MYOM2: variants seen among roughly 807,000 people sequenced by gnomAD.
MYOM2 encodes myomesin 2, also known as myomesin-2.
Under a neutral mutation model 187.6 loss-of-function variants are expected in MYOM2, and 254 were observed. That is an observed-to-expected ratio of 1.35 (90% CI 1.22 to 1.50). MYOM2 has a LOEUF of 1.50. Among genes scored for constraint, MYOM2 ranks in the 40% most tolerant of loss-of-function variants. The pLI, the probability that MYOM2 is intolerant of heterozygous loss-of-function variation, is 0.00. For synonymous variants in MYOM2, 981 were observed against 753.8 expected (o/e 1.30, Z -4.94); for missense variants, 2,796 against 1,924.0 (o/e 1.45, Z -8.48).
Position 2,102,667 on chromosome 8 carries a change from G to T in MYOM2, c.2620G>T (p.Val874Phe). 1 of 1,605,482 alleles carries T rather than the reference G, an allele frequency of 6.2e-7. No individual in the cohort carries two copies. The highest frequency in any genetic ancestry group is 8.5e-7 in the Non-Finnish European group (1 of 1,173,022). Reference sequence around the variant, plus strand: ...CTGGTGTTTCCTCTGTTGTTTCAAGGTCTCTGACCTGCAGCAAGGTAAGAC... The same window carrying T: ...CTGGTGTTTCCTCTGTTGTTTCAAGTTCTCTGACCTGCAGCAAGGTAAGAC... Reference protein sequence around the residue: ...QTTTASRYLKVSDLQQGKTYV... With the variant: ...QTTTASRYLKFSDLQQGKTYV... The change falls in exon 21 of 37, where the codon GTC becomes TTC. Residue 874 changes from valine to phenylalanine, a missense_variant and splice_region_variant. Physicochemically the swap from Val to Phe is conservative, Grantham distance 50 (BLOSUM62 -1). Coordinates refer to ENST00000262113, the MANE Select transcript of MYOM2 (RefSeq NM_003970.4).
rs1819303208 is a variant in MYOM2, at chr8:2,073,388, C to T, written c.1008C>T (p.Gly336=). Residue 336 remains glycine, a synonymous_variant, in exon 10 of 37, where the codon GGC becomes GGT. Transcript: ENST00000262113. ...SKWTKMFFGE[G]QASLSFSHLH... Reference sequence around the variant, plus strand: ...GGACGAAGATGTTCTTTGGAGAAGGCCAGGCCTCCCTGTCCTTCAGCCACC... The same window carrying T: ...GGACGAAGATGTTCTTTGGAGAAGGTCAGGCCTCCCTGTCCTTCAGCCACC... The T allele has an allele frequency of 1.9e-6, 3 of 1,613,190 alleles. No homozygotes were observed. The highest frequency in any genetic ancestry group is 1.7e-5 in the Admixed American group (1 of 59,942).
chr8:2,049,543 C>T (rs1439071167), intron 1 of MYOM2, among the ~76,000 whole-genome samples: 1 of 152,204 alleles, frequency 6.6e-6, no homozygotes, highest in African/African-American at 2.4e-5. Flanking sequence ...TTGGCATTTT[C>T]CACCCAAGTC....
chr8:2,068,130 G>T (rs765235559), intron 6 of MYOM2, among the ~76,000 whole-genome samples: 10 of 148,880 alleles, frequency 6.7e-5, no homozygotes, highest in Non-Finnish European at 1.5e-4. Context: ...GCTCGTGTGC[G>T]CCAGGCAGAG....
At chr8:2,082,437 G>T (rs1296520778) in intron 13 of MYOM2, among the ~76,000 whole-genome samples, 1 of 151,992 alleles carries the variant, frequency 6.6e-6, no homozygotes, top group Admixed American at 6.5e-5. Context: ...AAAATACTTG[G>T]TAAATGCCCC....
chr8:2,120,300 A>T (rs1426848051), intron 28 of MYOM2, among the ~76,000 whole-genome samples: 1 of 152,020 alleles, frequency 6.6e-6, no homozygotes, highest in East Asian at 2.0e-4. Flanking sequence ...GTTGAGCAGG[A>T]AAGTGAGGCC....
At chr8:2,060,535 G>C (rs1585832158) in intron 6 of MYOM2, among the ~76,000 whole-genome samples, 1 of 152,226 alleles carries the variant, frequency 6.6e-6, no homozygotes, top group East Asian at 1.9e-4. Context: ...AAATAAGTGA[G>C]ACATTGGAAC....
Position 2,052,272 on chromosome 8 carries a change from A to C in MYOM2, c.222A>C (p.Arg74=). Residue 74 remains arginine, a synonymous_variant, in exon 3 of 37, where the codon CGA becomes CGC. Coordinates refer to ENST00000262113, the MANE Select transcript of MYOM2 (RefSeq NM_003970.4). ...GGTICRVCAK[R]VSTQEDEEQE... ...CCATCTGCAGGGTCTGTGCGAAGCG[A>C]GTGAGCACGCAGGAAGATGAGGAGC... 1 of 1,609,582 alleles carries C rather than the reference A, an allele frequency of 6.2e-7. No individual in the cohort carries two copies. Among genetic ancestry groups the C allele is most frequent in the Non-Finnish European group, 8.5e-7 (1 of 1,178,118 alleles).
At chr8:2,069,586 CT>C (rs777983793) in intron 8 of MYOM2, 89 bp downstream of exon 8, 125,846 of 1,056,510 alleles carry the variant, frequency 0.12, no homozygotes, top group South Asian at 0.16. Context: ...AGGGCCAAAT[CT>C]TTTTTTTTTT....
At chr8:2,088,900 G>A (rs1345458515) in intron 14 of MYOM2, among the ~76,000 whole-genome samples, 1 of 152,206 alleles carries the variant, frequency 6.6e-6, no homozygotes, top group African/African-American at 2.4e-5. Context: ...CCTTCCCTTT[G>A]TGGACCCATA....
intron 13 of MYOM2, 76 bp downstream of exon 13, chr8:2,079,689 C>A (rs1202329239): frequency 5.4e-6 from 8 of 1,469,464 alleles, no homozygotes; most frequent in Non-Finnish European, 7.6e-6. Flanking sequence ...GAGAGATGGA[C>A]AGAGAACGCC....
intron 13 of MYOM2, 54 bp from the exon 14 acceptor site, chr8:2,085,209 G>T: frequency 6.3e-7 from 1 of 1,590,350 alleles, no homozygotes; most frequent in Non-Finnish European, 8.6e-7. Context: ...GAGGTGGGCT[G>T]CAGCGAGGCT....
chr8:2,094,347 G>T (rs1027612495), intron 17 of MYOM2, among the ~76,000 whole-genome samples: 3 of 134,252 alleles, frequency 2.2e-5, no homozygotes, highest in African/African-American at 9.4e-5. Flanking sequence ...CCAAATACCT[G>T]TACTCATGTT....
intron 10 of MYOM2, among the ~76,000 whole-genome samples, chr8:2,074,923 G>A (rs73657719): frequency 0.039 from 5,905 of 152,234 alleles, 408 homozygotes; most frequent in African/African-American, 0.14. Context: ...TGCTCTCCGG[G>A]TCCCCGGGCT....
Position 2,101,205 on chromosome 8 carries a change from G to A in MYOM2, c.2619+151G>A, listed in dbSNP as rs1002154676. On this transcript the variant is annotated intron_variant, in intron 20 of 36. Coordinates refer to ENST00000262113, the MANE Select transcript of MYOM2 (RefSeq NM_003970.4). ...TACTAAAAATACAAAAAAATTAGCC[G>A]GGCATGGCACCGTGGCAGGCACCTG... 8.5e-5 allele frequency: 63 copies of A among 742,816 alleles called. No individual in the cohort carries two copies. The East Asian group carries it at 1.4e-3, about 16-fold the overall frequency. The allele number at this position is 742,816 out of a possible 1,614,324, so 46.0% of individuals were successfully genotyped here. A position where few individuals can be genotyped will look rare whatever the true frequency, so the allele number is the denominator to read the frequency against.
In MYOM2 at chr8:2,106,559, C is replaced by T. The variant is rs1198555852; in HGVS notation, c.2960C>T (p.Thr987Ile). 8 of 1,610,458 alleles carry T rather than the reference C, an allele frequency of 5.0e-6. No homozygotes were observed. The highest frequency in any genetic ancestry group is 2.2e-5 in the East Asian group (1 of 44,726). ...LGTYSVSVSD[T>I]DGVSSSFVLD... ...ACTTACTCCGTGTCTGTAAGTGATA[C>T]AGACGGAGTGTCCTCCAGTTTTGTT... Residue 987 changes from threonine to isoleucine, a missense_variant, in exon 23 of 37, where the codon ACA becomes ATA. By Grantham distance (89) the Thr-to-Ile change is moderately conservative. Coordinates refer to ENST00000262113, the MANE Select transcript of MYOM2 (RefSeq NM_003970.4).
chr8:2,102,372 A>G (rs1796737957), intron 20 of MYOM2: 1 of 298,618 alleles, frequency 3.3e-6, no homozygotes, highest in South Asian at 9.2e-5. Context: ...GTTAAATATA[A>G]ACACCAGATT....
In MYOM2 at chr8:2,100,951, C is replaced by G; in HGVS notation, c.2516C>G (p.Ser839Cys). 1.9e-6 allele frequency: 3 copies of G among 1,614,190 alleles called. No individual in the cohort carries two copies. The highest frequency in any genetic ancestry group is 1.1e-5 in the South Asian group (1 of 91,088). The change falls in exon 20 of 37, where the codon TCC becomes TGC. Residue 839 changes from serine to cysteine, a missense_variant. Physicochemically the swap from Ser to Cys is moderately radical, Grantham distance 112 (BLOSUM62 -1). Transcript: ENST00000262113. The part of the protein sequence containing the change: ...LVMLWKAPVY[S>C]GSSPVSGYFV... Reference sequence around the variant, plus strand: ...ATGCTGTGGAAGGCCCCTGTGTACTCCGGCAGCAGCCCTGTTTCTGGATAT... The same window carrying G: ...ATGCTGTGGAAGGCCCCTGTGTACTGCGGCAGCAGCCCTGTTTCTGGATAT...
chr8:2,089,670 A>G (rs983280610), intron 14 of MYOM2, among the ~76,000 whole-genome samples: 2 of 152,230 alleles, frequency 1.3e-5, no homozygotes, highest in South Asian at 2.1e-4. Flanking sequence ...ATATACTTCT[A>G]AATTATCTTT....
At chr8:2,140,681 T>C in intron 32 of MYOM2, 42 bp from the exon 33 acceptor site, 2 of 1,602,688 alleles carry the variant, frequency 1.2e-6, no homozygotes, top group Non-Finnish European at 1.7e-6. Context: ...GCGTGTGACA[T>C]GGAGACCCTA....
Sources: allele counts gnomAD v4.1 joint callset (sites outside exome capture counted in the v4.1 genomes callset), GRCh38; gene constraint gnomAD v4.1.1; transcripts MANE v1.5; gene names NCBI Gene and HGNC (gene_info 2026-07-23, HGNC 2026-07-21).